Variants in MADD observed in about 807,000 individuals in gnomAD.
MADD encodes MAP kinase activating death domain, also known as MAP kinase-activating death domain protein.
A neutral mutation model predicts 176.7 loss-of-function variants in MADD; 109 were observed. The observed-to-expected ratio is 0.62, with a 90% confidence interval of 0.53 to 0.72. The LOEUF is 0.72. Among genes scored for constraint, MADD ranks in the 30% least tolerant of loss-of-function variants. The pLI is 0.00. For missense variants in MADD, 1,914 were observed against 2,045.5 expected (o/e 0.94, Z 1.24); for synonymous variants, 771 against 771.3 (o/e 1.00, Z 0.01).
chr11:47,329,303 G>C, exon 33 of MADD: 1 of 644,706 alleles, frequency 1.6e-6, no homozygotes, highest in South Asian at 1.7e-5. Context: ...CCGGTTATGT[G>C]TCCCTCTGAG....
exon 3 of MADD, chr11:47,274,707 G>C: frequency 1.2e-6 from 2 of 1,614,222 alleles, no homozygotes; most frequent in South Asian, 2.2e-5. Flanking sequence ...AGCGGCGCAT[G>C]AGCCTTCGGG....
chr11:47,278,402 G>A (rs1415021961), intron 6 of MADD, 124 bp downstream of exon 6: 7 of 700,784 alleles, frequency 1.0e-5, no homozygotes, highest in Middle Eastern at 2.9e-4. Flanking sequence ...TTTCTATTGC[G>A]AGACTTACTG....
intron 7 of MADD, among the ~76,000 whole-genome samples, chr11:47,279,286 A>G (rs1051048497): frequency 7.3e-5 from 11 of 151,646 alleles, no homozygotes; most frequent in Middle Eastern, 3.5e-3. Context: ...ATGCTTTACC[A>G]TCTTCTAATG....
At chr11:47,278,451 CA>C (rs1474891793) in intron 6 of MADD, among the ~76,000 whole-genome samples, 173 bp downstream of exon 6, 1 of 152,096 alleles carries the variant, frequency 6.6e-6, no homozygotes, top group Non-Finnish European at 1.5e-5. Context: ...CCTTATTAGC[CA>C]AATAAACCCT....
rs781164964 is a variant in MADD at position 47,290,278 on chromosome 11, C to G, written c.3073C>G (p.Gln1025Glu). 3.7e-6 allele frequency: 6 copies of G among 1,614,090 alleles called. No individual in the cohort carries two copies. The South Asian group carries it at 4.4e-5, about 12-fold the overall frequency. Residue 1025 changes from glutamine to glutamate, a missense_variant, in exon 18 of 33, where the codon CAG (glutamine) becomes GAG (glutamate). Around this residue, in one of 2 missense-constraint regions of MADD, gnomAD observed 1,767 missense variants for 1,836.0 expected, o/e 0.96. Transcript: ENST00000402192. The stretch of plus-strand genomic sequence containing the variant: ...CATCTTTGGGCTTTTGGAGATTGCC[C>G]AGACCCACTACTATAGTAAAGGTAG...
intron 19 of MADD, among the ~76,000 whole-genome samples, 194 bp downstream of exon 20, chr11:47,291,010 C>A (rs1326686625): frequency 2.0e-5 from 3 of 152,082 alleles, no homozygotes; most frequent in African/African-American, 4.8e-5. Flanking sequence ...AGCCACCCCC[C>A]ACCCCGTATC....
intron 1 of MADD, chr11:47,272,442 G>C (rs1591504226): frequency 6.6e-6 from 1 of 152,382 alleles, no homozygotes; most frequent in Non-Finnish European, 1.5e-5. Context: ...CTGTATATAT[G>C]GGAGTGCCCG....
At chr11:47,290,852 C>A in intron 19 of MADD, 36 bp downstream of exon 20, 2 of 1,521,700 alleles carry the variant, frequency 1.3e-6, no homozygotes, top group Non-Finnish European at 1.8e-6. Flanking sequence ...TGGAGGGGTC[C>A]TGGCTTCTTA....
chr11:47,292,452 A>G (rs1177891189), intron 19 of MADD, 91 bp from the exon 21 acceptor site: 10 of 1,141,910 alleles, frequency 8.8e-6, no homozygotes, highest in African/African-American at 1.5e-5. Context: ...CTGAGACTGA[A>G]TCGACTTGGG....
intron 27 of MADD, among the ~76,000 whole-genome samples, chr11:47,321,595 G>T (rs890595234): frequency 2.7e-5 from 4 of 149,480 alleles, no homozygotes; most frequent in Non-Finnish European, 6.0e-5. Context: ...AAGAAGCTCA[G>T]GGGGGGCAGA....
intron 27 of MADD, among the ~76,000 whole-genome samples, chr11:47,321,537 G>A (rs2094471975): frequency 6.6e-6 from 1 of 152,294 alleles, no homozygotes; most frequent in East Asian, 1.9e-4. Flanking sequence ...AAGCTATTGG[G>A]GAAATCAGAT....
chr11:47,329,022 T>G, intron 32 of MADD, 24 bp from the exon 37 acceptor site: 2 of 1,559,772 alleles, frequency 1.3e-6, no homozygotes, highest in South Asian at 1.1e-5. Context: ...AGTATCGTGA[T>G]CCGCCTGGTT....
exon 14 of MADD, chr11:47,285,589 C>A (rs1247976526): frequency 6.2e-7 from 1 of 1,614,016 alleles, no homozygotes; most frequent in Admixed American, 1.7e-5. Flanking sequence ...TGTCTTTTGC[C>A]AGTAAGTGCC....
At chr11:47,285,910 T>C (rs2060285853) in intron 14 of MADD, among the ~76,000 whole-genome samples, 1 of 152,240 alleles carries the variant, frequency 6.6e-6, no homozygotes, top group Non-Finnish European at 1.5e-5. Context: ...CAAATTTGAT[T>C]TGAGTCCATA....
At chr11:47,308,499 C>A in intron 22 of MADD, 92 bp from the exon 25 acceptor site, 1 of 802,138 alleles carries the variant, frequency 1.2e-6, no homozygotes. Context: ...TGGATGGTGA[C>A]TGGTGTGAGA....
In MADD at chr11:47,289,794, T is replaced by C. The variant is rs1214422802; in HGVS notation, c.2757-73T>C. The C allele has an allele frequency of 4.6e-6, 7 of 1,527,546 alleles. No individual in the cohort carries two copies. The Admixed American group carries it at 1.2e-4, about 27-fold the overall frequency. 94.6% of individuals were successfully genotyped at this position (1,527,546 alleles called of 1,614,324 possible). On this transcript the variant is annotated intron_variant, in intron 16 of 32. Coordinates refer to ENST00000402192, the Ensembl canonical transcript of MADD. ...TGTTTTACCCCTGGAGGCAGACATC[T>C]AGTCTGGGTGAAAGGTGGGGGGTGC...
chr11:47,323,573 C>A (rs2142071456), intron 27 of MADD, 98 bp from the exon 31 acceptor site: 1 of 1,313,482 alleles, frequency 7.6e-7, no homozygotes, highest in Non-Finnish European at 1.1e-6. Context: ...AAAACCTGAC[C>A]ATGGGGATGC....
chr11:47,278,361 C>T lies in MADD; in HGVS notation c.1209+83C>T, dbSNP rs1348248573. 7 of 1,033,320 alleles carry T rather than the reference C, an allele frequency of 6.8e-6. No homozygotes were observed. The Admixed American group carries it at 1.2e-4, about 18-fold the overall frequency. 64.0% of individuals were successfully genotyped at this position (1,033,320 alleles called of 1,614,324 possible). A position where few individuals can be genotyped will look rare whatever the true frequency, so the allele number is the denominator to read the frequency against. On this transcript the variant is annotated intron_variant, in intron 6 of 32. Coordinates refer to ENST00000402192, the Ensembl canonical transcript of MADD. ...GTCCTGAGATATCTGTTTCTAGATT[C>T]CTTTCAGGAACGTCCTAAGTTGTTG...
At chr11:47,307,346 A>G (rs1309746783) in intron 22 of MADD, among the ~76,000 whole-genome samples, 1 of 152,150 alleles carries the variant, frequency 6.6e-6, no homozygotes, top group African/African-American at 2.4e-5. Context: ...CTTTTCTGGC[A>G]TCTTTCTGGG....
Sources: allele counts gnomAD v4.1 joint callset (sites outside exome capture counted in the v4.1 genomes callset), GRCh38; gene constraint gnomAD v4.1.1; regional missense constraint gnomAD v4.1.1; transcripts MANE v1.5; gene names NCBI Gene and HGNC (gene_info 2026-07-23, HGNC 2026-07-21).